Variants in P2RY14 observed in about 807,000 individuals in gnomAD.
P2RY14 encodes the protein P2Y purinoceptor 14.
A neutral mutation model predicts 0.9 loss-of-function variants in P2RY14; 2 were observed. The ratio of observed to expected loss-of-function variants is 2.16; its 90% confidence interval spans 0.88 to 6.79. The LOEUF (loss-of-function observed/expected upper bound fraction) is 6.79, where lower values mean the gene tolerates loss of function less well. P2RY14 is among the 30% of genes most tolerant of loss of function. The pLI, the probability that P2RY14 is intolerant of heterozygous loss-of-function variation, is 0.05. For missense variants in P2RY14, 378 were observed against 400.1 expected (o/e 0.94, Z 0.47); for synonymous variants, 158 against 147.2 (o/e 1.07, Z -0.53).
Position 151,212,943 on chromosome 3 carries a change from G to A in P2RY14, c.*357C>T, listed in dbSNP as rs1312279008. ...GTATTTAGAGAAAGAAGATGCCTGA[G>A]TGAGTTGTCTTTGATTATGTTGTGT... is the stretch of plus-strand genomic sequence containing the variant. On this transcript the variant is annotated 3_prime_UTR_variant, in exon 3 of 3. Transcript: ENST00000309170. 1.3e-5 allele frequency: 2 copies of A among 154,738 alleles called. No individual in the cohort carries two copies. The highest frequency in any genetic ancestry group is 6.5e-5 in the Admixed American group (1 of 15,316). The allele number at this position is 154,738 out of a possible 1,614,324, so 9.6% of individuals were successfully genotyped here. A position where few individuals can be genotyped will look rare whatever the true frequency, so the allele number is the denominator to read the frequency against.
rs578107180 is a variant in P2RY14 at position 151,278,420 on chromosome 3, G to C, written c.-266C>G. ...ACGGATGAAAATCAGGAACTTGACA[G>C]AAACCACAAGATAGTGGGTCCCTCT... On this transcript the variant is annotated 5_prime_UTR_variant, in exon 1 of 3. Transcript: ENST00000309170. 6.6e-6 allele frequency: 1 copy of C among 152,326 alleles called. No homozygotes were observed. Among genetic ancestry groups the C allele is most frequent in the South Asian group, 2.1e-4 (1 of 4,824 alleles). The allele number at this position is 152,326 out of a possible 1,614,324, so 9.4% of individuals were successfully genotyped here.
intron 1 of P2RY14, among the ~76,000 whole-genome samples, chr3:151,261,736 G>T (rs1272474057): frequency 7.0e-6 from 1 of 142,866 alleles, no homozygotes; most frequent in Non-Finnish European, 1.5e-5. Context: ...TTGTTGTGTT[G>T]TGTTTTGAGA....
intron 1 of P2RY14, among the ~76,000 whole-genome samples, chr3:151,229,369 G>A (rs910838279): frequency 3.6e-5 from 5 of 139,134 alleles, no homozygotes; most frequent in Non-Finnish European, 7.5e-5. Flanking sequence ...GGGCAGTTTC[G>A]TGATCTCCGC....
intron 1 of P2RY14, among the ~76,000 whole-genome samples, chr3:151,244,519 TG>T (rs1196632309): frequency 3.5e-4 from 52 of 149,098 alleles, no homozygotes; most frequent in Non-Finnish European, 6.6e-4. Context: ...GAATGACTAC[TG>T]GGTACATAAC....
intron 2 of P2RY14, among the ~76,000 whole-genome samples, chr3:151,216,460 G>A (rs1358046575): frequency 6.6e-6 from 1 of 152,192 alleles, no homozygotes; most frequent in Admixed American, 6.5e-5. Context: ...ATAAAAAATA[G>A]TACATCCATG....
At chr3:151,225,314 C>T (rs371051908) in intron 1 of P2RY14, among the ~76,000 whole-genome samples, 5 of 152,244 alleles carry the variant, frequency 3.3e-5, no homozygotes, top group East Asian at 3.9e-4. Context: ...AACAATACTA[C>T]GTATTGAGTC....
chr3:151,264,078 T>C (rs1739401556), intron 1 of P2RY14, among the ~76,000 whole-genome samples: 3 of 152,214 alleles, frequency 2.0e-5, no homozygotes, highest in Admixed American at 1.3e-4. Flanking sequence ...GTAGTTCTAC[T>C]TCATTTCACT....
In P2RY14 at chr3:151,213,831, CTGGT is replaced by C. The variant is rs1168849750; in HGVS notation, c.482_485del (p.Asn161ArgfsTer9). The stretch of plus-strand genomic sequence containing the variant: ...TTATTTGTGTAACCTCCCTAACACT[CTGGT>C]TGGTGAGAATAATATTTGGAACAGC... On this transcript the variant is annotated frameshift_variant, in exon 3 of 3. Transcript: ENST00000309170. LOFTEE classifies it low-confidence loss of function (END_TRUNC). 6.2e-7 allele frequency: 1 copy of C among 1,614,130 alleles called. No individual in the cohort carries two copies. The highest frequency in any genetic ancestry group is 8.5e-7 in the Non-Finnish European group (1 of 1,180,002).
intron 1 of P2RY14, among the ~76,000 whole-genome samples, chr3:151,239,010 A>G (rs750690064): frequency 2.0e-5 from 3 of 152,230 alleles, no homozygotes; most frequent in Admixed American, 6.5e-5. Flanking sequence ...ATAAAATTCA[A>G]GCTTTCAAAC....
chr3:151,252,752 G>T lies in P2RY14; in HGVS notation c.-133+25535C>A, dbSNP rs936384582. ...CAGTTTGCTATGCAGGAGTAGGTTT[G>T]TTCATATGTAATCTACTAACTTATC... On this transcript the variant is annotated intron_variant, in intron 1 of 2. Transcript: ENST00000309170. 2.0e-5 allele frequency among the ~76,000 whole-genome samples: 3 copies of T among 152,082 alleles called. No homozygotes were observed. In the East Asian group the frequency reaches 5.8e-4, roughly 29 times the overall value.
At chr3:151,262,900 G>A (rs2149507371) in intron 1 of P2RY14, among the ~76,000 whole-genome samples, 1 of 152,270 alleles carries the variant, frequency 6.6e-6, no homozygotes, top group African/African-American at 2.4e-5. Flanking sequence ...GTAAGGCTTG[G>A]TGAGGTTAAG....
At position 151,213,155 on chromosome 3, in the gene P2RY14, CTTATAT is replaced by C. The variant is rs1449330385; in HGVS notation, c.*139_*144del. 1 of 613,400 alleles carries C rather than the reference CTTATAT, an allele frequency of 1.6e-6. No individual in the cohort carries two copies. The highest frequency in any genetic ancestry group is 2.7e-6 in the Non-Finnish European group (1 of 365,984). 38.0% of individuals were successfully genotyped at this position (613,400 alleles called of 1,614,324 possible). ...TTGATGTTACAAAAAAGCATGGAAA[CTTATAT>C]TTGAATTTTATTGAACTAAATTGGA... On this transcript the variant is annotated 3_prime_UTR_variant, in exon 3 of 3. Transcript: ENST00000309170.
chr3:151,230,062 T>C (rs1220930201), intron 1 of P2RY14, among the ~76,000 whole-genome samples: 4 of 151,968 alleles, frequency 2.6e-5, no homozygotes, highest in Admixed American at 2.6e-4. Flanking sequence ...CTTCGCCTGC[T>C]GGGTTCACGC....
chr3:151,243,049 G>A (rs1734548578), intron 1 of P2RY14, among the ~76,000 whole-genome samples: 2 of 151,396 alleles, frequency 1.3e-5, no homozygotes, highest in African/African-American at 4.9e-5. Flanking sequence ...AATGAAGCGA[G>A]AAGGGAAGTT....
intron 1 of P2RY14, among the ~76,000 whole-genome samples, chr3:151,274,614 G>A (rs1274927330): frequency 6.6e-6 from 1 of 152,228 alleles, no homozygotes; most frequent in Non-Finnish European, 1.5e-5. Context: ...TCAGCTCCCA[G>A]CTGGATTAAG....
chr3:151,231,027 G>A (rs1330733003), intron 1 of P2RY14, among the ~76,000 whole-genome samples: 1 of 152,208 alleles, frequency 6.6e-6, no homozygotes, highest in Non-Finnish European at 1.5e-5. Context: ...CACAGAAGCC[G>A]ACTTGAGGGC....
rs536126876 is a variant in P2RY14, at chr3:151,258,234, G to A, written c.-133+20053C>T. ...CTGGAAGCTAGATGGGAACTAGCTC[G>A]GGCATAATCAAGTACTCTTGACCCT... is the stretch of plus-strand genomic sequence containing the variant. On this transcript the variant is annotated intron_variant, in intron 1 of 2. Coordinates refer to ENST00000309170, the MANE Select transcript of P2RY14 (RefSeq NM_014879.4). Among the ~76,000 whole-genome samples the A allele has an allele frequency of 4.6e-5, 7 of 152,218 alleles. No homozygotes were observed. In the South Asian group the frequency reaches 8.3e-4, roughly 18 times the overall value.
At chr3:151,277,561 C>G (rs939907315) in intron 1 of P2RY14, among the ~76,000 whole-genome samples, 2 of 152,112 alleles carry the variant, frequency 1.3e-5, no homozygotes, top group Non-Finnish European at 1.5e-5. Context: ...TATATGTAGA[C>G]AAGATGGATT....
rs1577206567 is a variant in P2RY14, at chr3:151,275,359, G to A, written c.-133+2928C>T. 2.6e-5 allele frequency among the ~76,000 whole-genome samples: 4 copies of A among 152,174 alleles called. No individual in the cohort carries two copies. In the South Asian group the frequency reaches 8.3e-4, roughly 32 times the overall value. On this transcript the variant is annotated intron_variant, in intron 1 of 2. Coordinates refer to ENST00000309170, the MANE Select transcript of P2RY14 (RefSeq NM_014879.4). The stretch of plus-strand genomic sequence containing the variant: ...GGGTAGAAGCCAGCACCCGTCCCTG[G>A]CTGTTCTTTTATTTGAATGATGAGG...
Sources: allele counts gnomAD v4.1 joint callset (sites outside exome capture counted in the v4.1 genomes callset), GRCh38; gene constraint gnomAD v4.1.1; transcripts MANE v1.5; gene names NCBI Gene and HGNC (gene_info 2026-07-23, HGNC 2026-07-21).